The following TGFBR3 variants were observed in gnomAD, a reference collection of about 807,000 sequenced individuals.
TGFBR3 encodes transforming growth factor beta receptor type 3.
A neutral mutation model predicts 87.9 loss-of-function variants in TGFBR3; 46 were observed. The observed-to-expected ratio is 0.52, with a 90% CI of 0.41 to 0.67. TGFBR3 has a LOEUF of 0.67. TGFBR3 is among the 30% of genes least tolerant of loss of function. The pLI, the probability that TGFBR3 is intolerant of heterozygous loss-of-function variation, is 0.00. For synonymous variants in TGFBR3, 381 were observed against 391.6 expected (o/e 0.97, Z 0.32); for missense variants, 866 against 1,041.9 (o/e 0.83, Z 2.32).
At chr1:91,814,089 C>T (rs985322207) in intron 2 of TGFBR3, among the ~76,000 whole-genome samples, 2 of 152,224 alleles carry the variant, frequency 1.3e-5, no homozygotes, top group African/African-American at 2.4e-5. Flanking sequence ...CTCTATGGTA[C>T]AATACCATTT....
chr1:91,849,705 G>C (rs547096188), intron 2 of TGFBR3, among the ~76,000 whole-genome samples: 1 of 152,246 alleles, frequency 6.6e-6, no homozygotes, highest in African/African-American at 2.4e-5. Context: ...CCAACACTTG[G>C]AATAGTGTCT....
chr1:91,862,503 T>C lies in TGFBR3; in HGVS notation c.-113-859A>G, dbSNP rs1019894553. On this transcript the variant is annotated intron_variant, in intron 1 of 16. Coordinates refer to ENST00000212355, the MANE Select transcript of TGFBR3 (RefSeq NM_003243.5). ...CTGTCTCTCAGCCCATCTGAGACTA[T>C]CTGGTTACTGGACTCAAGGATCTAG... 5.3e-5 allele frequency among the ~76,000 whole-genome samples: 8 copies of C among 152,212 alleles called. 1 individual carries two copies. The highest frequency in any genetic ancestry group is 1.7e-4 in the African/African-American group (7 of 41,450).
chr1:91,900,533 C>A (rs559513577), intron 1 of TGFBR3, among the ~76,000 whole-genome samples: 36 of 152,264 alleles, frequency 2.4e-4, no homozygotes, highest in African/African-American at 8.7e-4. Context: ...TCTAAATATG[C>A]AAACTGTAAT....
At chr1:91,726,274 T>C (rs780464050) in intron 7 of TGFBR3, among the ~76,000 whole-genome samples, 2 of 152,198 alleles carry the variant, frequency 1.3e-5, no homozygotes, top group Admixed American at 6.5e-5. Context: ...GGAATTAAAA[T>C]GTACCGTATG....
rs17883603 is a variant in TGFBR3, at chr1:91,830,928, C to T, written c.61+30543G>A. On this transcript the variant is annotated intron_variant, in intron 2 of 16. Coordinates refer to ENST00000212355, the MANE Select transcript of TGFBR3 (RefSeq NM_003243.5). ...CCACTTAGGTGGGAAACGGCTCTCACCACCCCCATAGCAGGAAGCACAACA... is the reference window on the plus strand; with the variant it reads ...CCACTTAGGTGGGAAACGGCTCTCATCACCCCCATAGCAGGAAGCACAACA... Among the ~76,000 whole-genome samples, 276 of 152,228 alleles carry T rather than the reference C, an allele frequency of 1.8e-3. 2 individuals are homozygous for T. Among genetic ancestry groups the T allele is most frequent in the African/African-American group, 6.5e-3 (269 of 41,546 alleles).
intron 2 of TGFBR3, among the ~76,000 whole-genome samples, chr1:91,850,907 G>A (rs925772035): frequency 1.3e-5 from 2 of 152,136 alleles, no homozygotes; most frequent in Admixed American, 6.5e-5. Context: ...TAGGAAGGAA[G>A]GGAGGTGTTA....
intron 4 of TGFBR3, among the ~76,000 whole-genome samples, chr1:91,758,256 C>G (rs993183392): frequency 1.3e-5 from 2 of 152,036 alleles, no homozygotes; most frequent in Non-Finnish European, 2.9e-5. Context: ...ATTTTGTGGT[C>G]AGGGACCACA....
Position 91,716,363 on chromosome 1 carries a change from G to A in TGFBR3, c.1739C>T (p.Pro580Leu). ...GTGGGGCTGTTCCTGGAAGCTGCTGGGGTTCCTCACCTGCTGAAGGCTGCA... is the reference window on the plus strand; with the variant it reads ...GTGGGGCTGTTCCTGGAAGCTGCTGAGGTTCCTCACCTGCTGAAGGCTGCA... Reference protein sequence around the residue: ...FNCSLQQVRNPSSFQEQPHGN... With the variant: ...FNCSLQQVRNLSSFQEQPHGN... The change falls in exon 12 of 17, where the codon CCC (proline) becomes CTC (leucine). Residue 580 changes from proline to leucine, a missense_variant. Coordinates refer to ENST00000212355, the MANE Select transcript of TGFBR3 (RefSeq NM_003243.5). The A allele has an allele frequency of 6.2e-7, 1 of 1,614,136 alleles. No homozygotes were observed. The highest frequency in any genetic ancestry group is 8.5e-7 in the Non-Finnish European group (1 of 1,180,010).
chr1:91,713,123 G>A (rs761845189), intron 12 of TGFBR3, among the ~76,000 whole-genome samples: 2 of 152,318 alleles, frequency 1.3e-5, no homozygotes, highest in Non-Finnish European at 2.9e-5. Flanking sequence ...GCAACCTGGA[G>A]GCCATCATGG....
Position 91,681,358 on chromosome 1 carries a change from G to A in TGFBR3, c.*2381C>T, listed in dbSNP as rs1023911330. On this transcript the variant is annotated 3_prime_UTR_variant, in exon 17 of 17. Coordinates refer to ENST00000212355, the MANE Select transcript of TGFBR3 (RefSeq NM_003243.5). ...ATTTCTTGATCTGAATAATAATTCTGACAATGAGACCCAAACAAATAAAAG... is the reference window on the plus strand; with the variant it reads ...ATTTCTTGATCTGAATAATAATTCTAACAATGAGACCCAAACAAATAAAAG... 37 of 439,708 alleles carry A rather than the reference G, an allele frequency of 8.4e-5. No homozygotes were observed. Among genetic ancestry groups the A allele is most frequent in the African/African-American group, 6.9e-4 (34 of 49,434 alleles). The allele number at this position is 439,708 out of a possible 1,614,324, so 27.2% of individuals were successfully genotyped here.
intron 5 of TGFBR3, among the ~76,000 whole-genome samples, chr1:91,731,293 G>A (rs1323354658): frequency 6.6e-6 from 1 of 151,966 alleles, no homozygotes; most frequent in African/African-American, 2.4e-5. Context: ...AACCTCCCTT[G>A]TGCTGAGGTC....
At chr1:91,896,018 C>T (rs528842117) in intron 2 of TGFBR3, among the ~76,000 whole-genome samples, 75 of 152,288 alleles carry the variant, frequency 4.9e-4, no homozygotes, top group African/African-American at 1.8e-3. Flanking sequence ...CTAACCTAAA[C>T]AATGTTGATA....
At chr1:91,900,390 A>C (rs529068174) in intron 1 of TGFBR3, among the ~76,000 whole-genome samples, 1 of 152,364 alleles carries the variant, frequency 6.6e-6, no homozygotes, top group South Asian at 2.1e-4. Context: ...CTGGGATTAC[A>C]GGTGTGAATC....
At chr1:91,701,096 G>A (rs753925809) in intron 14 of TGFBR3, among the ~76,000 whole-genome samples, 1 of 152,084 alleles carries the variant, frequency 6.6e-6, no homozygotes, top group Non-Finnish European at 1.5e-5. Flanking sequence ...AAGTTTTATA[G>A]TAAGGCCTGT....
intron 2 of TGFBR3, among the ~76,000 whole-genome samples, chr1:91,853,768 C>T (rs540113937): frequency 1.7e-3 from 263 of 152,296 alleles, no homozygotes; most frequent in African/African-American, 6.1e-3. Context: ...AATCCCAGAA[C>T]TTTTGGAGGC....
At chr1:91,791,203 A>G (rs2100991429) in intron 3 of TGFBR3, among the ~76,000 whole-genome samples, 1 of 152,318 alleles carries the variant, frequency 6.6e-6, no homozygotes, top group Non-Finnish European at 1.5e-5. Flanking sequence ...GTTTGGATAC[A>G]AGACGTAGTA....
At chr1:91,807,187 C>T (rs1024577350) in intron 2 of TGFBR3, among the ~76,000 whole-genome samples, 6 of 152,216 alleles carry the variant, frequency 3.9e-5, no homozygotes, top group South Asian at 2.1e-4. Context: ...CCAAAGAGGG[C>T]GCTTCTACCA....
intron 16 of TGFBR3, among the ~76,000 whole-genome samples, chr1:91,693,918 T>A (rs1557660303): frequency 6.6e-6 from 1 of 152,234 alleles, no homozygotes; most frequent in East Asian, 1.9e-4. Context: ...TCTGTCTTTC[T>A]GGTCCTTTTA....
chr1:91,839,928 G>T (rs80093874), intron 2 of TGFBR3, among the ~76,000 whole-genome samples: 6,042 of 152,182 alleles, frequency 0.04, 315 homozygotes, highest in African/African-American at 0.12. Context: ...ATAAGGTAAA[G>T]CTGAGTGATA....
Sources: gnomAD v4.1 joint callset for allele counts (sites outside exome capture counted in the v4.1 genomes callset) on GRCh38, gnomAD v4.1.1 for gene constraint, MANE v1.5 for transcripts, NCBI Gene and HGNC (gene_info 2026-07-23, HGNC 2026-07-21) for gene names.